NRG3: variants seen among roughly 807,000 people sequenced by gnomAD.
The protein encoded by NRG3 is neuregulin 3, also known as pro-neuregulin-3, membrane-bound isoform.
Under a neutral mutation model 66.9 loss-of-function variants are expected in NRG3, and 31 were observed. That is an observed-to-expected ratio of 0.46 (90% CI 0.35 to 0.63). NRG3 has a LOEUF of 0.63. Among genes scored for constraint, NRG3 ranks in the 20% least tolerant of loss-of-function variants. NRG3 has a pLI of 0.00. For missense variants in NRG3, 910 were observed against 878.9 expected, an observed-to-expected ratio of 1.04 and a Z score of -0.45; for synonymous variants, 393 against 359.4, an observed-to-expected ratio of 1.09 and a Z score of -1.06.
intron 2 of NRG3, among the ~76,000 whole-genome samples, chr10:82,534,660 T>C (rs1847642337): frequency 6.6e-6 from 1 of 152,134 alleles, no homozygotes; most frequent in Non-Finnish European, 1.5e-5. Flanking sequence ...CATCACACTT[T>C]CTGATTTCAA....
chr10:82,067,361 G>A (rs1218381147), intron 1 of NRG3, among the ~76,000 whole-genome samples: 1 of 152,046 alleles, frequency 6.6e-6, no homozygotes, highest in African/African-American at 2.4e-5. Flanking sequence ...TGTTGTTGTC[G>A]TGGTTTGTTT....
intron 1 of NRG3, among the ~76,000 whole-genome samples, chr10:82,355,921 T>C (rs1368451279): frequency 6.6e-6 from 1 of 152,204 alleles, no homozygotes; most frequent in African/African-American, 2.4e-5. Context: ...CATTAAAAAG[T>C]TATAATAATG....
At chr10:82,894,974 A>G (rs1356952064) in intron 4 of NRG3, among the ~76,000 whole-genome samples, 1 of 152,006 alleles carries the variant, frequency 6.6e-6, no homozygotes, top group Admixed American at 6.6e-5. Context: ...ACTCCCACTT[A>G]TGAGTCAGAA....
intron 2 of NRG3, among the ~76,000 whole-genome samples, chr10:82,694,350 T>C (rs1217226777): frequency 2.6e-5 from 4 of 152,200 alleles, no homozygotes; most frequent in African/African-American, 9.6e-5. Flanking sequence ...CAAAATGATA[T>C]AGGTTTGGGG....
intron 1 of NRG3, among the ~76,000 whole-genome samples, chr10:81,991,886 C>G (rs1349188595): frequency 6.6e-6 from 1 of 151,900 alleles, no homozygotes; most frequent in Non-Finnish European, 1.5e-5. Context: ...TCCCAAGAAC[C>G]AATAATTTCC....
At chr10:82,398,978 A>C (rs2086903267) in intron 2 of NRG3, among the ~76,000 whole-genome samples, 2 of 152,198 alleles carry the variant, frequency 1.3e-5, no homozygotes, top group Admixed American at 1.3e-4. Flanking sequence ...ATTTAATGCA[A>C]GACTGTATTG....
chr10:82,449,398 C>A (rs963108835), intron 2 of NRG3, among the ~76,000 whole-genome samples: 2 of 152,230 alleles, frequency 1.3e-5, no homozygotes, highest in African/African-American at 4.8e-5. Flanking sequence ...CATGCACTGG[C>A]ATGAGGCCCA....
At chr10:82,381,434 C>T (rs912248393) in intron 2 of NRG3, among the ~76,000 whole-genome samples, 2 of 152,040 alleles carry the variant, frequency 1.3e-5, no homozygotes, top group Non-Finnish European at 2.9e-5. Flanking sequence ...AGCTATCATA[C>T]CCCATTTTAT....
At chr10:82,062,197 C>G (rs1211106797) in intron 1 of NRG3, among the ~76,000 whole-genome samples, 1 of 152,120 alleles carries the variant, frequency 6.6e-6, no homozygotes, top group Non-Finnish European at 1.5e-5. Flanking sequence ...GGCCCAAGGT[C>G]CCTGAGAGCT....
Position 81,964,806 on chromosome 10 carries a change from G to A in NRG3, c.823+88643G>A, listed in dbSNP as rs114427652. ...GGAGAAACAGATATATCCAGTTGTT[G>A]TCTTTCCATTTCCATGTTCATTAAT... On this transcript the variant is annotated intron_variant, in intron 1 of 8. Transcript: ENST00000372141. Among the ~76,000 whole-genome samples, 1,215 of 152,102 alleles carry A rather than the reference G, an allele frequency of 8.0e-3. 6 individuals carry two copies. Among genetic ancestry groups the A allele is most frequent in the Middle Eastern group, 0.02 (6 of 294 alleles).
Position 82,956,962 on chromosome 10 carries a change from A to C in NRG3, c.1158-1987A>C, listed in dbSNP as rs535245805. Reference sequence around the variant, plus strand: ...GGAAAGATAAAAGAAATATCTTAAAAAACAGAGCTACATCACACTGATATT... The same window carrying C: ...GGAAAGATAAAAGAAATATCTTAAACAACAGAGCTACATCACACTGATATT... On this transcript the variant is annotated intron_variant, in intron 5 of 8. Coordinates refer to ENST00000372141, the MANE Select transcript of NRG3 (RefSeq NM_001010848.4). Among the ~76,000 whole-genome samples the C allele has an allele frequency of 3.3e-5, 5 of 152,062 alleles. No individual in the cohort carries two copies. The East Asian group carries it at 9.6e-4, about 29-fold the overall frequency.
intron 1 of NRG3, among the ~76,000 whole-genome samples, chr10:82,144,029 T>TAAAAA (rs558793877): frequency 9.3e-6 from 1 of 107,150 alleles, no homozygotes; most frequent in Non-Finnish European, 1.9e-5. Context: ...GACTTTGTCT[T>TAAAAA]AAAAAAAAAA....
chr10:82,205,727 C>T (rs1338137489), intron 1 of NRG3, among the ~76,000 whole-genome samples: 1 of 152,160 alleles, frequency 6.6e-6, no homozygotes, highest in Non-Finnish European at 1.5e-5. Flanking sequence ...GCAAAGAGGG[C>T]ATGCATTTCT....
intron 2 of NRG3, among the ~76,000 whole-genome samples, chr10:82,666,134 T>C (rs558536938): frequency 2.0e-5 from 3 of 152,300 alleles, no homozygotes; most frequent in East Asian, 1.9e-4. Context: ...TGGCTACTAC[T>C]TCTTTACAGA....
At chr10:82,854,908 C>T (rs2063731940) in intron 3 of NRG3, among the ~76,000 whole-genome samples, 1 of 152,152 alleles carries the variant, frequency 6.6e-6, no homozygotes, top group Admixed American at 6.5e-5. Flanking sequence ...CACTACATTA[C>T]AGTATTTGGC....
chr10:82,042,401 G>A (rs1182001537), intron 1 of NRG3, among the ~76,000 whole-genome samples: 4 of 151,960 alleles, frequency 2.6e-5, no homozygotes, highest in South Asian at 4.1e-4. Flanking sequence ...GGATTTAATG[G>A]AAATTGTCAA....
chr10:82,065,735 AG>A (rs1230762122), intron 1 of NRG3, among the ~76,000 whole-genome samples: 2 of 152,188 alleles, frequency 1.3e-5, no homozygotes, highest in Non-Finnish European at 2.9e-5. Context: ...CCCTTGCAGG[AG>A]GAGGAATATT....
Position 82,075,272 on chromosome 10 carries a change from G to T in NRG3, c.823+199109G>T, listed in dbSNP as rs531431729. Reference sequence around the variant, plus strand: ...TAACTTTGTTATGTGTTGTGTATGTGGCAGTATGTGGTTTTTGTAGACTTT... The same window carrying T: ...TAACTTTGTTATGTGTTGTGTATGTTGCAGTATGTGGTTTTTGTAGACTTT... On this transcript the variant is annotated intron_variant, in intron 1 of 8. Coordinates refer to ENST00000372141, the MANE Select transcript of NRG3 (RefSeq NM_001010848.4). Among the ~76,000 whole-genome samples, 5 of 152,182 alleles carry T rather than the reference G, an allele frequency of 3.3e-5. No individual in the cohort carries two copies. The South Asian group carries it at 1.0e-3, about 32-fold the overall frequency.
intron 2 of NRG3, among the ~76,000 whole-genome samples, chr10:82,515,975 G>A (rs945367205): frequency 2.6e-5 from 4 of 152,214 alleles, no homozygotes; most frequent in African/African-American, 9.6e-5. Flanking sequence ...ATCCAAGACA[G>A]TTTGTACCAG....
Sources: gnomAD v4.1 joint callset for allele counts (sites outside exome capture counted in the v4.1 genomes callset) on GRCh38, gnomAD v4.1.1 for gene constraint, MANE v1.5 for transcripts, NCBI Gene and HGNC (gene_info 2026-07-23, HGNC 2026-07-21) for gene names.